The following CCNK variants were observed in gnomAD, a reference collection of about 807,000 sequenced individuals.
CCNK encodes cyclin-K.
Under a neutral mutation model 65.0 loss-of-function variants are expected in CCNK, and 9 were observed. That is an observed-to-expected ratio of 0.14 (90% CI 0.08 to 0.24). The LOEUF is 0.24. Ranked by LOEUF, CCNK falls within the 10% of genes least tolerant of loss-of-function variation. The pLI is 1.00. For missense variants in CCNK, 474 were observed against 720.0 expected (o/e 0.66, Z 3.91); for synonymous variants, 279 against 270.8 (o/e 1.03, Z -0.30).
At chr14:99,495,391 G>T in intron 3 of CCNK, 107 bp from the exon 4 acceptor site, 1 of 913,696 alleles carries the variant, frequency 1.1e-6, no homozygotes. Context: ...TAAAAAGAAA[G>T]GTAGGGGAAT....
intron 10 of CCNK, chr14:99,509,787 C>A (rs1343980349): frequency 6.6e-6 from 2 of 304,592 alleles, no homozygotes; most frequent in African/African-American, 2.2e-5. Context: ...GTGGCCCTGA[C>A]CCCTGGGGTC....
At chr14:99,492,972 G>T (rs2139858041) in intron 2 of CCNK, 98 bp downstream of exon 2, 1 of 992,048 alleles carries the variant, frequency 1.0e-6, no homozygotes, top group East Asian at 2.9e-5. Context: ...TAATTTCTCT[G>T]TACCAGAGCA....
rs1896316630 is a variant in CCNK, at chr14:99,481,485, T to C, written c.-53+6T>C. The C allele has an allele frequency of 7.5e-6, 3 of 398,548 alleles. No individual in the cohort carries two copies. The highest frequency in any genetic ancestry group is 1.3e-5 in the Non-Finnish European group (3 of 226,060). The allele number at this position is 398,548 out of a possible 1,614,324, so 24.7% of individuals were successfully genotyped here. A position where few individuals can be genotyped will look rare whatever the true frequency, so the allele number is the denominator to read the frequency against. On this transcript the variant is annotated splice_donor_region_variant and intron_variant, in intron 1 of 10. Coordinates refer to ENST00000389879, the MANE Select transcript of CCNK (RefSeq NM_001099402.2). ...GGGCTTGCCTGAAGCGAGGGGTGAG[T>C]GACCCACCGACTGAGGGCAGCGCCG...
intron 4 of CCNK, among the ~76,000 whole-genome samples, chr14:99,497,219 T>A (rs1326869436): frequency 6.6e-6 from 1 of 152,204 alleles, no homozygotes; most frequent in Non-Finnish European, 1.5e-5. Flanking sequence ...TTCATAGCCT[T>A]AAAAATTCTC....
intron 4 of CCNK, among the ~76,000 whole-genome samples, chr14:99,499,617 G>T (rs1222210196): frequency 2.0e-5 from 3 of 152,178 alleles, no homozygotes; most frequent in Non-Finnish European, 4.4e-5. Context: ...CGCACACAGT[G>T]TCTTGGTTGT....
chr14:99,495,331 T>C (rs1896678594), intron 3 of CCNK, 167 bp from the exon 4 acceptor site: 1 of 388,338 alleles, frequency 2.6e-6, no homozygotes, highest in Non-Finnish European at 4.5e-6. Flanking sequence ...GGGATTTATA[T>C]GTATAAAATT....
intron 10 of CCNK, chr14:99,509,258 G>A (rs563540018): frequency 8.5e-5 from 13 of 152,434 alleles, no homozygotes; most frequent in African/African-American, 3.1e-4. Flanking sequence ...GGGCTGCCTT[G>A]GGAAAGGACA....
At chr14:99,489,964 G>A (rs1896565518) in intron 1 of CCNK, among the ~76,000 whole-genome samples, 1 of 152,134 alleles carries the variant, frequency 6.6e-6, no homozygotes, top group South Asian at 2.1e-4. Context: ...AGCAGTGAAG[G>A]AAATAGAAAG....
intron 3 of CCNK, 29 bp downstream of exon 3, chr14:99,493,624 C>T (rs1160804220): frequency 2.9e-6 from 4 of 1,400,608 alleles, no homozygotes; most frequent in Middle Eastern, 3.5e-4. Context: ...TTGTAATTCT[C>T]TGTCATATGT....
At chr14:99,507,179 G>T (rs745355438) in intron 10 of CCNK, 32 bp downstream of exon 10, 1 of 1,322,546 alleles carries the variant, frequency 7.6e-7, no homozygotes, top group Non-Finnish European at 1.1e-6. Flanking sequence ...TTGGCCAGCT[G>T]TGCACATCGC....
At chr14:99,501,724 A>C in intron 6 of CCNK, 1 of 333,458 alleles carries the variant, frequency 3.0e-6, no homozygotes, top group Non-Finnish European at 5.4e-6. Context: ...TTTTGCAAAA[A>C]TATACTTCCT....
At chr14:99,502,075 T>G in intron 6 of CCNK, 132 bp from the exon 7 acceptor site, 1 of 1,001,576 alleles carries the variant, frequency 1.0e-6, no homozygotes, top group Non-Finnish European at 1.4e-6. Flanking sequence ...TTGAGTTTAT[T>G]TATTTATAGT....
At chr14:99,497,190 T>C (rs907434112) in intron 4 of CCNK, among the ~76,000 whole-genome samples, 4 of 152,146 alleles carry the variant, frequency 2.6e-5, no homozygotes, top group African/African-American at 9.7e-5. Flanking sequence ...GCCACCATTA[T>C]AGTATCATGT....
rs1897110628 is a variant in CCNK at position 99,510,761 on chromosome 14, G to A, written c.1722G>A (p.Gly574=). 2.7e-6 allele frequency: 4 copies of A among 1,465,744 alleles called. No individual in the cohort carries two copies. In the East Asian group the frequency reaches 9.9e-5, roughly 36 times the overall value. The allele number at this position is 1,465,744 out of a possible 1,614,324, so 90.8% of individuals were successfully genotyped here. The part of the protein sequence containing the change: ...PPGMPPVGGL[G]RAAWMR ...GCATGCCTCCAGTTGGGGGGCTGGG[G>A]CGGGCAGCCTGGATGAGATAACGTG... The change falls in exon 11 of 11, where the codon GGG becomes GGA. Residue 574 remains glycine, a synonymous_variant. Coordinates refer to ENST00000389879, the MANE Select transcript of CCNK (RefSeq NM_001099402.2).
At chr14:99,489,872 C>T (rs184908186) in intron 1 of CCNK, among the ~76,000 whole-genome samples, 1 of 152,182 alleles carries the variant, frequency 6.6e-6, no homozygotes. Flanking sequence ...GAATAAAATA[C>T]TCATGTCTGT....
rs892467744 is a variant in CCNK, at chr14:99,501,580, C to A, written c.575+167C>A. ...GGCTGACGTCCAGGTCATCTGCTTCCCGGCAGAGGGTTTCCTTCTGCCCTG... is the reference window on the plus strand; with the variant it reads ...GGCTGACGTCCAGGTCATCTGCTTCACGGCAGAGGGTTTCCTTCTGCCCTG... On this transcript the variant is annotated intron_variant, in intron 6 of 10. Transcript: ENST00000389879. 5 of 587,030 alleles carry A rather than the reference C, an allele frequency of 8.5e-6. No individual in the cohort carries two copies. In the African/African-American group the frequency reaches 9.4e-5, roughly 11 times the overall value. 36.4% of individuals were successfully genotyped at this position (587,030 alleles called of 1,614,324 possible).
At chr14:99,510,058 C>T (rs1250194320) in intron 10 of CCNK, 99 bp from the exon 11 acceptor site, 2 of 1,256,370 alleles carry the variant, frequency 1.6e-6, no homozygotes, top group South Asian at 1.5e-5. Context: ...GGCAGCTGCT[C>T]CCTGCTCCTC....
chr14:99,481,685 G>A, intron 1 of CCNK: 1 of 388,868 alleles, frequency 2.6e-6, no homozygotes, highest in East Asian at 3.7e-5. Flanking sequence ...AGGCGCCGGG[G>A]CGGGGCAGGG....
chr14:99,503,765 T>C, intron 9 of CCNK, 121 bp downstream of exon 9: 1 of 811,948 alleles, frequency 1.2e-6, no homozygotes, highest in African/African-American at 1.7e-5. Flanking sequence ...TTAGAGCTCA[T>C]ACAAAACTTT....
Sources: gnomAD v4.1 joint callset for allele counts (sites outside exome capture counted in the v4.1 genomes callset) on GRCh38, gnomAD v4.1.1 for gene constraint, MANE v1.5 for transcripts, NCBI Gene and HGNC (gene_info 2026-07-23, HGNC 2026-07-21) for gene names.